Variants in POFUT3 observed in about 807,000 individuals in gnomAD.
POFUT3 encodes the protein GDP-fucose protein O-fucosyltransferase 3.
At chr8:33,417,281 C>T in the POFUT3 span, among the ~76,000 whole-genome samples, 1 of 152,210 alleles carries the variant, frequency 6.6e-6, no homozygotes, top group African/African-American at 2.4e-5. Flanking sequence ...CTCAGGGTTC[C>T]ACTGATTCTA....
the POFUT3 span, among the ~76,000 whole-genome samples, chr8:33,471,213 AGGTT>A: frequency 6.6e-6 from 1 of 151,772 alleles, no homozygotes; most frequent in Non-Finnish European, 1.5e-5. Context: ...TTACATTCCG[AGGTT>A]GGTTTTTTTG....
the POFUT3 span, among the ~76,000 whole-genome samples, chr8:33,447,128 T>C: frequency 1.3e-5 from 2 of 152,212 alleles, no homozygotes; most frequent in African/African-American, 4.8e-5. Context: ...ACCTGCTCTC[T>C]ACCACATCGG....
chr8:33,450,471 C>T, the POFUT3 span, among the ~76,000 whole-genome samples: 64 of 152,222 alleles, frequency 4.2e-4, no homozygotes, highest in Non-Finnish European at 8.1e-4. Flanking sequence ...AGGACAAATA[C>T]GAAAAGGACA....
chr8:33,407,839 C>A, the POFUT3 span, among the ~76,000 whole-genome samples: 1 of 150,990 alleles, frequency 6.6e-6, no homozygotes, highest in Non-Finnish European at 1.5e-5. Context: ...CCTGTCTCTA[C>A]TAAAAATACA....
chr8:33,402,583 G>A, the POFUT3 span, among the ~76,000 whole-genome samples: 2 of 151,962 alleles, frequency 1.3e-5, no homozygotes, highest in African/African-American at 4.8e-5. Flanking sequence ...CAAAAAACTT[G>A]GTCCAGGATT....
the POFUT3 span, among the ~76,000 whole-genome samples, chr8:33,376,172 A>G: frequency 6.6e-6 from 1 of 152,132 alleles, no homozygotes; most frequent in African/African-American, 2.4e-5. Context: ...AACTTTGTAG[A>G]AATATTTGAT....
chr8:33,383,040 A>G, the POFUT3 span, among the ~76,000 whole-genome samples: 1 of 152,166 alleles, frequency 6.6e-6, no homozygotes, highest in Non-Finnish European at 1.5e-5. Flanking sequence ...AGCAGGGCCC[A>G]TGGATCAATT....
chr8:33,434,022 G>A, the POFUT3 span, among the ~76,000 whole-genome samples: 1 of 150,922 alleles, frequency 6.6e-6, no homozygotes, highest in Non-Finnish European at 1.5e-5. Context: ...CCAGCACTTT[G>A]GGAGGCCGAG....
the POFUT3 span, among the ~76,000 whole-genome samples, chr8:33,376,848 A>G: frequency 6.6e-5 from 10 of 152,168 alleles, no homozygotes; most frequent in Admixed American, 1.3e-4. Flanking sequence ...ACAACTTTCA[A>G]CTTTTGAGAG....
chr8:33,389,263 T>A, the POFUT3 span: 1 of 1,614,056 alleles, frequency 6.2e-7, no homozygotes. Context: ...ATCCGTAATA[T>A]ACAGGGACTA....
the POFUT3 span, among the ~76,000 whole-genome samples, chr8:33,392,440 G>A: frequency 6.6e-6 from 1 of 151,634 alleles, no homozygotes; most frequent in Non-Finnish European, 1.5e-5. Context: ...GCCAGGCATG[G>A]TGGCACATGG....
chr8:33,434,660 C>T, the POFUT3 span, among the ~76,000 whole-genome samples: 11 of 152,196 alleles, frequency 7.2e-5, no homozygotes, highest in Non-Finnish European at 1.3e-4. Flanking sequence ...CACCAGACCT[C>T]GGCTTTGGGT....
the POFUT3 span, among the ~76,000 whole-genome samples, chr8:33,360,004 T>A: frequency 8.8e-4 from 133 of 151,054 alleles, no homozygotes; most frequent in African/African-American, 2.8e-3. Flanking sequence ...AGACTCCATC[T>A]CAAAAAAAAC....
At chr8:33,377,525 C>T in the POFUT3 span, 1 of 152,158 alleles carries the variant, frequency 6.6e-6, no homozygotes, top group South Asian at 2.1e-4. Context: ...TACCCTATTT[C>T]CTTGCCTTCC....
the POFUT3 span, chr8:33,389,682 T>C: frequency 6.2e-7 from 1 of 1,614,126 alleles, no homozygotes; most frequent in Non-Finnish European, 8.5e-7. Flanking sequence ...TTGAACAAGG[T>C]GATCACTGGT....
At chr8:33,389,220 T>C in the POFUT3 span, 3 of 1,614,146 alleles carry the variant, frequency 1.9e-6, no homozygotes, top group Non-Finnish European at 2.5e-6. Flanking sequence ...ATAGCACTTT[T>C]GTTACTTGGA....
At chr8:33,320,446 T>C in the POFUT3 span, among the ~76,000 whole-genome samples, 1 of 152,116 alleles carries the variant, frequency 6.6e-6, no homozygotes, top group Non-Finnish European at 1.5e-5. Context: ...TTAGGATTTA[T>C]AATGGATTCT....
the POFUT3 span, among the ~76,000 whole-genome samples, chr8:33,415,434 A>G: frequency 1.6e-4 from 24 of 152,142 alleles, no homozygotes; most frequent in Non-Finnish European, 3.5e-4. Flanking sequence ...GGACACTTGG[A>G]AAGTGCAGGA....
the POFUT3 span, chr8:33,461,230 G>A: frequency 1.6e-6 from 1 of 608,528 alleles, no homozygotes; most frequent in South Asian, 2.1e-5. Flanking sequence ...AGGGAGGGAG[G>A]GAGGAAGGAA....
Sources: allele counts gnomAD v4.1 joint callset (sites outside exome capture counted in the v4.1 genomes callset), GRCh38; gene constraint gnomAD v4.1.1; transcripts MANE v1.5; gene names NCBI Gene and HGNC (gene_info 2026-07-23, HGNC 2026-07-21).